The following NR3C2 variants were observed in gnomAD, a reference collection of about 807,000 sequenced individuals.
The protein encoded by NR3C2 is mineralocorticoid receptor.
A neutral mutation model predicts 86.4 loss-of-function variants in NR3C2; 15 were observed. The ratio of observed to expected loss-of-function variants is 0.17; its 90% CI spans 0.12 to 0.27. The LOEUF (loss-of-function observed/expected upper bound fraction) is 0.27. Ranked by LOEUF, NR3C2 falls within the 10% of genes least tolerant of loss-of-function variation. The pLI is 1.00. For missense variants in NR3C2, 960 were observed against 1,195.6 expected, an observed-to-expected ratio of 0.80 and a Z score of 2.91; for synonymous variants, 458 against 450.5, an observed-to-expected ratio of 1.02 and a Z score of -0.21.
Position 148,386,949 on chromosome 4 carries a change from T to C in NR3C2, c.1757+48155A>G, listed in dbSNP as rs1449181520. 2.0e-5 allele frequency among the ~76,000 whole-genome samples: 3 copies of C among 152,216 alleles called. No individual in the cohort carries two copies. The East Asian group carries it at 5.8e-4, about 29-fold the overall frequency. On this transcript the variant is annotated intron_variant, in intron 2 of 8. Coordinates refer to ENST00000358102, the MANE Select transcript of NR3C2 (RefSeq NM_000901.5). ...TGGGATGGACTCTTCAGCCTGTGCC[T>C]GTCTAGTCTAGTCCTAACCTCCTTT...
chr4:148,152,095 A>G (rs1226660602), intron 6 of NR3C2, among the ~76,000 whole-genome samples: 1 of 152,178 alleles, frequency 6.6e-6, no homozygotes, highest in African/African-American at 2.4e-5. Context: ...CTGGCACTTT[A>G]TATATTCACA....
chr4:148,272,744 C>A (rs889296461), intron 2 of NR3C2, among the ~76,000 whole-genome samples: 1 of 151,934 alleles, frequency 6.6e-6, no homozygotes, highest in Non-Finnish European at 1.5e-5. Flanking sequence ...AAAAGTTAGG[C>A]TTTTGTCTTT....
chr4:148,335,756 G>C (rs1418559671), intron 2 of NR3C2, among the ~76,000 whole-genome samples: 1 of 146,256 alleles, frequency 6.8e-6, no homozygotes, highest in African/African-American at 2.7e-5. Flanking sequence ...TGTCTAAAAA[G>C]TAATTAAAAA....
At chr4:148,155,920 A>G (rs376131075) in intron 4 of NR3C2, among the ~76,000 whole-genome samples, 2,859 of 152,270 alleles carry the variant, frequency 0.019, 37 homozygotes, top group South Asian at 0.036. Context: ...AGAGATATAG[A>G]TCAATGGAAC....
rs1405901150 is a variant in NR3C2 at position 148,080,120 on chromosome 4, C to G, written c.*1224G>C. On this transcript the variant is annotated 3_prime_UTR_variant, in exon 9 of 9. Coordinates refer to ENST00000358102, the MANE Select transcript of NR3C2 (RefSeq NM_000901.5). ...CAGCTTTCCCAAAGCTGCAGCACTC[C>G]AAGGACCTCCTCTCCCACATGTGTT... The G allele has an allele frequency of 6.6e-6, 1 of 152,212 alleles. No homozygotes were observed. The highest frequency in any genetic ancestry group is 1.5e-5 in the Non-Finnish European group (1 of 68,044). 9.4% of individuals were successfully genotyped at this position (152,212 alleles called of 1,614,324 possible). A position where few individuals can be genotyped will look rare whatever the true frequency, so the allele number is the denominator to read the frequency against.
intron 8 of NR3C2, among the ~76,000 whole-genome samples, chr4:148,109,329 TG>T (rs1359728856): frequency 1.3e-5 from 2 of 152,292 alleles, no homozygotes; most frequent in Admixed American, 1.3e-4. Flanking sequence ...CTGCCCTGTC[TG>T]GGGGTGTCTC....
At chr4:148,347,285 C>A (rs1049606681) in intron 2 of NR3C2, among the ~76,000 whole-genome samples, 4 of 151,874 alleles carry the variant, frequency 2.6e-5, no homozygotes, top group African/African-American at 9.7e-5. Context: ...CGTTTTTCAC[C>A]TTTCCTTAAC....
chr4:148,215,129 A>G (rs1737464379), intron 3 of NR3C2, among the ~76,000 whole-genome samples: 1 of 152,352 alleles, frequency 6.6e-6, no homozygotes, highest in East Asian at 1.9e-4. Context: ...GGAAGCTGGC[A>G]TTCGGATAAA....
chr4:148,282,684 C>T (rs1741309802), intron 2 of NR3C2, among the ~76,000 whole-genome samples: 1 of 151,956 alleles, frequency 6.6e-6, no homozygotes, highest in South Asian at 2.1e-4. Context: ...GGGGTGCAGT[C>T]CCAGGGGACA....
chr4:148,427,935 T>C (rs192829524), intron 2 of NR3C2, among the ~76,000 whole-genome samples: 1 of 152,176 alleles, frequency 6.6e-6, no homozygotes, highest in African/African-American at 2.4e-5. Flanking sequence ...CAAAAAACAA[T>C]GACGCCATGC....
At chr4:148,169,441 C>A (rs182479442) in intron 4 of NR3C2, among the ~76,000 whole-genome samples, 1 of 151,872 alleles carries the variant, frequency 6.6e-6, no homozygotes, top group East Asian at 1.9e-4. Flanking sequence ...GGGAAAGGAA[C>A]CCTGTAAGAT....
At chr4:148,431,168 T>A (rs969083914) in intron 2 of NR3C2, among the ~76,000 whole-genome samples, 1 of 152,128 alleles carries the variant, frequency 6.6e-6, no homozygotes, top group African/African-American at 2.4e-5. Context: ...TATTTTTTCT[T>A]TAAATCTGGT....
chr4:148,442,756 C>G (rs1444195031), upstream of NR3C2: 3 of 985,304 alleles, frequency 3.0e-6, no homozygotes, highest in Non-Finnish European at 2.4e-6. Flanking sequence ...CTTGGGGTGC[C>G]GGGCGGTGGC....
At chr4:148,309,002 T>C (rs1283484369) in intron 2 of NR3C2, among the ~76,000 whole-genome samples, 1 of 151,914 alleles carries the variant, frequency 6.6e-6, no homozygotes, top group African/African-American at 2.4e-5. Flanking sequence ...GTATATATTA[T>C]ATAGTTTCAA....
intron 6 of NR3C2, among the ~76,000 whole-genome samples, chr4:148,133,670 A>T (rs1371092165): frequency 6.6e-6 from 1 of 152,238 alleles, no homozygotes; most frequent in African/African-American, 2.4e-5. Flanking sequence ...CTAAAGCAAA[A>T]GTCGCATTAC....
chr4:148,347,175 T>C (rs1745037910), intron 2 of NR3C2, among the ~76,000 whole-genome samples: 2 of 152,164 alleles, frequency 1.3e-5, no homozygotes, highest in African/African-American at 4.8e-5. Context: ...AAAATAACTA[T>C]ATTACTGTAA....
At chr4:148,411,617 T>G (rs989310478) in intron 2 of NR3C2, among the ~76,000 whole-genome samples, 17 of 152,324 alleles carry the variant, frequency 1.1e-4, no homozygotes, top group African/African-American at 4.1e-4. Flanking sequence ...TGGTTTTTCT[T>G]TCTTTTTAAT....
At chr4:148,255,525 C>A (rs186990632) in intron 3 of NR3C2, among the ~76,000 whole-genome samples, 131 of 152,338 alleles carry the variant, frequency 8.6e-4, no homozygotes, top group African/African-American at 2.9e-3. Flanking sequence ...TGACATCATA[C>A]AATTTGGCTG....
At chr4:148,444,004 C>CGTCCCCGCAGCCAGGA (rs1750478668), upstream of NR3C2, 1 of 985,114 alleles carries the variant, frequency 1.0e-6, no homozygotes, top group African/African-American at 1.7e-5. Context: ...CTGCCCCCGG[C>CGTCCCCGCAGCCAGGA]GTCCCCGCAG....
Sources: allele counts gnomAD v4.1 joint callset (sites outside exome capture counted in the v4.1 genomes callset), GRCh38; gene constraint gnomAD v4.1.1; transcripts MANE v1.5; gene names NCBI Gene and HGNC (gene_info 2026-07-23, HGNC 2026-07-21).